PHLDB2: variants seen among roughly 807,000 people sequenced by gnomAD.
PHLDB2 encodes pleckstrin homology-like domain family B member 2.
In PHLDB2, 71 loss-of-function variants were observed where a neutral mutation model predicts 123.6. The observed-to-expected ratio is 0.57, with a 90% confidence interval of 0.47 to 0.70. The LOEUF is 0.70. Ranked by LOEUF, PHLDB2 falls within the 30% of genes least tolerant of loss-of-function variation. The pLI, the probability that PHLDB2 is intolerant of heterozygous loss-of-function variation, is 0.00. For synonymous variants in PHLDB2, 547 were observed against 541.6 expected (o/e 1.01, Z -0.14); for missense variants, 1,446 against 1,519.5 (o/e 0.95, Z 0.80).
chr3:111,915,772 T>C (rs1163378055), intron 3 of PHLDB2: 1 of 152,258 alleles, frequency 6.6e-6, no homozygotes, highest in Non-Finnish European at 1.5e-5. Flanking sequence ...ACCTTACTAA[T>C]TCTCAATGGA....
At chr3:111,791,044 G>T (rs939102498) in intron 1 of PHLDB2, among the ~76,000 whole-genome samples, 1 of 151,840 alleles carries the variant, frequency 6.6e-6, no homozygotes, top group African/African-American at 2.4e-5. Flanking sequence ...CTAACTTTTG[G>T]TAATGTTTTA....
intron 1 of PHLDB2, chr3:111,845,720 T>G: frequency 7.3e-7 from 1 of 1,374,532 alleles, no homozygotes; most frequent in Non-Finnish European, 1.0e-6. Flanking sequence ...CCCCGGATGT[T>G]AAACATCTGA....
At position 111,973,719 on chromosome 3, in the gene PHLDB2, T is replaced by C. The variant is rs111337641; in HGVS notation, c.3536-13T>C. ...GTGGCGATAAAGTATTTAACACTTA[T>C]CTGTCTTTGCAGACAAGCATGAAAC... On this transcript the variant is annotated splice_polypyrimidine_tract_variant and intron_variant, in intron 16 of 17. Coordinates refer to ENST00000431670, the MANE Select transcript of PHLDB2 (RefSeq NM_001134438.2). The C allele has an allele frequency of 5.4e-4, 828 of 1,520,932 alleles. 4 individuals carry two copies. The African/African-American group carries it at 8.7e-3, about 16-fold the overall frequency. The allele number at this position is 1,520,932 out of a possible 1,614,324, so 94.2% of individuals were successfully genotyped here. A position where few individuals can be genotyped will look rare whatever the true frequency, so the allele number is the denominator to read the frequency against.
intron 1 of PHLDB2, among the ~76,000 whole-genome samples, chr3:111,811,488 G>A (rs1000146364): frequency 7.9e-5 from 12 of 152,000 alleles, no homozygotes; most frequent in African/African-American, 2.2e-4. Context: ...AAAAGAAATC[G>A]TTAGGCAGTT....
At chr3:111,749,469 G>T (rs925671046) in intron 1 of PHLDB2, among the ~76,000 whole-genome samples, 2 of 152,188 alleles carry the variant, frequency 1.3e-5, no homozygotes, top group African/African-American at 4.8e-5. Context: ...TGTTGGATCT[G>T]ACTTTTCACT....
intron 5 of PHLDB2, among the ~76,000 whole-genome samples, chr3:111,924,707 C>T (rs1404304324): frequency 6.6e-6 from 1 of 152,246 alleles, no homozygotes; most frequent in Non-Finnish European, 1.5e-5. Context: ...CTCTGTTGGG[C>T]AAGCTCCGAT....
intron 1 of PHLDB2, among the ~76,000 whole-genome samples, chr3:111,838,254 A>G (rs1370126007): frequency 6.6e-6 from 1 of 152,090 alleles, no homozygotes; most frequent in Non-Finnish European, 1.5e-5. Flanking sequence ...TCCCGCCTTT[A>G]TCTCCTGATC....
chr3:111,777,426 C>A (rs2060285938), intron 1 of PHLDB2, among the ~76,000 whole-genome samples: 1 of 152,034 alleles, frequency 6.6e-6, no homozygotes, highest in Non-Finnish European at 1.5e-5. Context: ...ATATTCAGCT[C>A]TAAAATTTAG....
chr3:111,839,457 A>G (rs2063569932), intron 1 of PHLDB2, among the ~76,000 whole-genome samples: 1 of 152,196 alleles, frequency 6.6e-6, no homozygotes, highest in African/African-American at 2.4e-5. Context: ...CTCCAGAAAA[A>G]AAATGTTCTT....
At chr3:111,829,405 TA>T (rs71131979) in intron 1 of PHLDB2, among the ~76,000 whole-genome samples, 75,935 of 136,344 alleles carry the variant, frequency 0.56, 21,573 homozygotes, top group Middle Eastern at 0.82. Flanking sequence ...TTCTTTTGTT[TA>T]AAAAAAAAAA....
intron 1 of PHLDB2, among the ~76,000 whole-genome samples, chr3:111,782,393 G>A (rs530471190): frequency 6.6e-6 from 1 of 152,202 alleles, no homozygotes; most frequent in African/African-American, 2.4e-5. Context: ...AGTAAAAAAG[G>A]AGAGATGCTC....
At chr3:111,768,223 A>G (rs1195362825) in intron 1 of PHLDB2, among the ~76,000 whole-genome samples, 1 of 152,158 alleles carries the variant, frequency 6.6e-6, no homozygotes, top group Admixed American at 6.5e-5. Context: ...CAAGAAGAAG[A>G]TAAAATTTCT....
intron 1 of PHLDB2, among the ~76,000 whole-genome samples, chr3:111,817,986 C>T (rs76865686): frequency 0.065 from 9,802 of 151,958 alleles, 429 homozygotes; most frequent in South Asian, 0.16. Context: ...AGCTATGGTG[C>T]CTTATTTTAT....
chr3:111,830,723 G>A (rs2062918470), intron 1 of PHLDB2, among the ~76,000 whole-genome samples: 1 of 139,366 alleles, frequency 7.2e-6, no homozygotes, highest in Non-Finnish European at 1.5e-5. Flanking sequence ...GCAGGAGAAT[G>A]GCGTGAACCC....
Position 111,762,061 on chromosome 3 carries a change from C to T in PHLDB2, c.-49+29358C>T, listed in dbSNP as rs566087811. On this transcript the variant is annotated intron_variant, in intron 1 of 17. Transcript: ENST00000393923. ...AAAGGGATGCCCCCCCAATCCCATCCGCCACATTCAGCTGAGAACCAGACC... is the reference window on the plus strand; with the variant it reads ...AAAGGGATGCCCCCCCAATCCCATCTGCCACATTCAGCTGAGAACCAGACC... Among the ~76,000 whole-genome samples the T allele has an allele frequency of 5.3e-5, 8 of 152,260 alleles. No homozygotes were observed. In the South Asian group the frequency reaches 6.2e-4, roughly 12 times the overall value.
At chr3:111,906,405 T>G (rs759062952) in intron 2 of PHLDB2, among the ~76,000 whole-genome samples, 1 of 152,190 alleles carries the variant, frequency 6.6e-6, no homozygotes. Context: ...TTGGCCAGGG[T>G]CACACAGGTA....
At chr3:111,801,170 G>A (rs2061364789) in intron 1 of PHLDB2, among the ~76,000 whole-genome samples, 1 of 152,138 alleles carries the variant, frequency 6.6e-6, no homozygotes, top group East Asian at 1.9e-4. Context: ...GGGCCCAGTG[G>A]AAAATGAAAT....
intron 1 of PHLDB2, among the ~76,000 whole-genome samples, chr3:111,866,930 GGTGTGTGTGTGTGT>G (rs3082321): frequency 4.8e-5 from 6 of 126,066 alleles, no homozygotes; most frequent in African/African-American, 5.7e-5. Context: ...GTTTCTAAGG[GGTGTGTGTGTGTGT>G]GTGTGTGTGT....
rs761392621 is a variant in PHLDB2 at position 111,945,357 on chromosome 3, G to C, written c.2487G>C (p.Glu829Asp). The C allele has an allele frequency of 6.3e-7, 1 of 1,586,100 alleles. No homozygotes were observed. Among genetic ancestry groups the C allele is most frequent in the Non-Finnish European group, 8.6e-7 (1 of 1,156,336 alleles). ...GFPVNPNTLKEGYISVNEINE... is the reference protein window; with the variant it reads ...GFPVNPNTLKDGYISVNEINE... ...CCGTTAACCCCAATACTTTAAAAGA[G>C]GTAAGCTATGATTTTACATGTCGCT... Residue 829 changes from glutamate (E) to aspartate (D), a missense_variant and splice_region_variant, in exon 9 of 18, where the codon GAG becomes GAC. Physicochemically the swap from Glu to Asp is conservative, Grantham distance 45 (BLOSUM62 2). Around this residue, in one of 3 missense-constraint regions of PHLDB2, gnomAD observed 594 missense variants for 646.0 expected, o/e 0.92. Coordinates refer to ENST00000431670, the MANE Select transcript of PHLDB2 (RefSeq NM_001134438.2).
Sources: allele counts gnomAD v4.1 joint callset (sites outside exome capture counted in the v4.1 genomes callset), GRCh38; gene constraint gnomAD v4.1.1; regional missense constraint gnomAD v4.1.1; transcripts MANE v1.5; gene names NCBI Gene and HGNC (gene_info 2026-07-23, HGNC 2026-07-21).